BCKDHB: variants seen among roughly 807,000 people sequenced by gnomAD.
BCKDHB encodes branched chain keto acid dehydrogenase E1 subunit beta.
A neutral mutation model predicts 48.5 loss-of-function variants in BCKDHB; 41 were observed. The observed-to-expected ratio is 0.85, with a 90% CI of 0.66 to 1.10. The LOEUF is 1.10. Among genes scored for constraint, BCKDHB ranks in the 50% least tolerant of loss-of-function variants. The pLI is 0.00. For synonymous variants in BCKDHB, 201 were observed against 174.8 expected (o/e 1.15, Z -1.18); for missense variants, 496 against 494.2 (o/e 1.00, Z -0.03).
the BCKDHB span, among the ~76,000 whole-genome samples, chr6:80,366,416 A>G: frequency 1.2e-4 from 19 of 152,354 alleles, no homozygotes; most frequent in South Asian, 2.5e-3. Flanking sequence ...GCACATGCTC[A>G]TAGACATAGT....
At position 80,273,180 on chromosome 6, in the gene BCKDHB, T is replaced by C; in HGVS notation, c.997T>C (p.Leu333=). The C allele has an allele frequency of 6.2e-7, 1 of 1,613,656 alleles. No homozygotes were observed. ...ACTGCTAATCAGTCACGAGGCTCCC[T>C]TGACAGGCGGCTTTGCATCGGAAAT... ...GRLLISHEAP[L]TGGFASEISS... Residue 333 remains leucine, a synonymous_variant, in exon 9 of 10, where the codon TTG becomes CTG. Coordinates refer to ENST00000320393, the MANE Select transcript of BCKDHB (RefSeq NM_183050.4).
In BCKDHB at chr6:80,230,695, A is replaced by G. The variant is rs995261986; in HGVS notation, c.951+27483A>G. The stretch of plus-strand genomic sequence containing the variant: ...TTTATTTCTTACGGTTCTGGAGGCT[A>G]GGATGTCTAAGGTTGAGGTGCCTGC... On this transcript the variant is annotated intron_variant, in intron 8 of 9. Transcript: ENST00000320393. Among the ~76,000 whole-genome samples the G allele has an allele frequency of 3.9e-5, 6 of 152,290 alleles. No homozygotes were observed. The East Asian group carries it at 9.6e-4, about 24-fold the overall frequency.
the BCKDHB span, among the ~76,000 whole-genome samples, chr6:80,428,603 A>G: frequency 3.9e-5 from 6 of 152,130 alleles, no homozygotes; most frequent in Admixed American, 2.6e-4. Flanking sequence ...GATTTTGATT[A>G]GCATTTCTCT....
chr6:80,357,724 T>G, the BCKDHB span, among the ~76,000 whole-genome samples: 1 of 152,178 alleles, frequency 6.6e-6, no homozygotes, highest in Non-Finnish European at 1.5e-5. Flanking sequence ...CTGATGGAAA[T>G]TTATGGCTGT....
chr6:80,115,807 T>G (rs941442186), intron 1 of BCKDHB, among the ~76,000 whole-genome samples: 1 of 152,010 alleles, frequency 6.6e-6, no homozygotes, highest in African/African-American at 2.4e-5. Context: ...TGGCTAATTT[T>G]TTGTATTTTT....
the BCKDHB span, among the ~76,000 whole-genome samples, chr6:80,376,229 G>A: frequency 6.6e-6 from 1 of 151,996 alleles, no homozygotes; most frequent in Admixed American, 6.6e-5. Flanking sequence ...ATGGAGTTAA[G>A]TTCCTGGCAG....
At chr6:80,228,725 C>T (rs1191567565) in intron 8 of BCKDHB, among the ~76,000 whole-genome samples, 35 of 152,126 alleles carry the variant, frequency 2.3e-4, no homozygotes, top group Non-Finnish European at 1.0e-4. Context: ...GCTTGTACTA[C>T]TCTCAAACCA....
the BCKDHB span, among the ~76,000 whole-genome samples, chr6:80,393,857 G>C: frequency 6.6e-6 from 1 of 152,124 alleles, no homozygotes; most frequent in Non-Finnish European, 1.5e-5. Context: ...TGTTTTAGTA[G>C]AGCTTATTTT....
chr6:80,410,439 C>G, the BCKDHB span, among the ~76,000 whole-genome samples: 1 of 152,174 alleles, frequency 6.6e-6, no homozygotes, highest in Admixed American at 6.5e-5. Flanking sequence ...AGTTGCTCTT[C>G]TCAAGGAGTA....
the BCKDHB span, among the ~76,000 whole-genome samples, chr6:80,432,861 T>A: frequency 6.6e-6 from 1 of 152,204 alleles, no homozygotes; most frequent in Non-Finnish European, 1.5e-5. Context: ...GGATGGGGTC[T>A]CTGAGTGGAT....
chr6:80,438,443 G>T, the BCKDHB span, among the ~76,000 whole-genome samples: 1 of 151,972 alleles, frequency 6.6e-6, no homozygotes, highest in African/African-American at 2.4e-5. Flanking sequence ...TTTTACATGT[G>T]TACAAATATT....
At chr6:80,180,562 A>G (rs781212166) in intron 6 of BCKDHB, among the ~76,000 whole-genome samples, 2 of 152,238 alleles carry the variant, frequency 1.3e-5, no homozygotes, top group Non-Finnish European at 2.9e-5. Context: ...GTGGGAAATC[A>G]AGACAGACTA....
intron 6 of BCKDHB, among the ~76,000 whole-genome samples, chr6:80,180,828 T>A (rs1773378283): frequency 6.6e-6 from 1 of 152,208 alleles, no homozygotes; most frequent in Non-Finnish European, 1.5e-5. Flanking sequence ...TTAAGCAGAT[T>A]AATTTGTGCG....
At chr6:80,328,594 GAA>G (rs1452949504) in intron 9 of BCKDHB, among the ~76,000 whole-genome samples, 5 of 152,132 alleles carry the variant, frequency 3.3e-5, no homozygotes, top group Admixed American at 1.3e-4. Context: ...CAAACAATCA[GAA>G]ATCTCATAAA....
At chr6:80,454,182 A>C in the BCKDHB span, 1 of 152,234 alleles carries the variant, frequency 6.6e-6, no homozygotes, top group Non-Finnish European at 1.5e-5. Context: ...GAAGGGAAAG[A>C]CCAGTTCTGC....
chr6:80,463,013 G>A, the BCKDHB span: 1 of 152,032 alleles, frequency 6.6e-6, no homozygotes, highest in Non-Finnish European at 1.5e-5. Flanking sequence ...GAATTCCACA[G>A]GACAGTTCAG....
chr6:80,223,393 G>C (rs1208433812), intron 8 of BCKDHB, among the ~76,000 whole-genome samples: 1 of 151,964 alleles, frequency 6.6e-6, no homozygotes, highest in African/African-American at 2.4e-5. Flanking sequence ...TTTTCCTTTG[G>C]TTACATTCAC....
intron 3 of BCKDHB, among the ~76,000 whole-genome samples, chr6:80,136,138 A>T (rs1770871486): frequency 6.6e-6 from 1 of 152,138 alleles, no homozygotes; most frequent in Non-Finnish European, 1.5e-5. Flanking sequence ...ACTGATGTGC[A>T]AATATTTGGT....
chr6:80,380,115 G>T, the BCKDHB span, among the ~76,000 whole-genome samples: 1 of 151,844 alleles, frequency 6.6e-6, no homozygotes, highest in Admixed American at 6.6e-5. Flanking sequence ...ACAACAAAAA[G>T]CCCAAATAGC....
Sources: allele counts gnomAD v4.1 joint callset (sites outside exome capture counted in the v4.1 genomes callset), GRCh38; gene constraint gnomAD v4.1.1; transcripts MANE v1.5; gene names NCBI Gene and HGNC (gene_info 2026-07-23, HGNC 2026-07-21).